Variants in BBS1 observed in about 807,000 individuals in gnomAD.
The protein encoded by BBS1 is BBSome complex member BBS1.
BBS1 carries 60 observed loss-of-function variants against 73.9 expected under a neutral mutation model. The observed-to-expected ratio is 0.81, with a 90% CI of 0.66 to 1.01. The LOEUF (loss-of-function observed/expected upper bound fraction) is 1.01. Ranked by LOEUF, BBS1 falls within the 50% of genes least tolerant of loss-of-function variation. The probability of loss-of-function intolerance (pLI) is 0.00; values close to 1 mark genes in which losing one functional copy is unlikely to be tolerated. For missense variants in BBS1, 718 were observed against 770.3 expected (o/e 0.93, Z 0.80); for synonymous variants, 283 against 317.4 (o/e 0.89, Z 1.15).
At chr11:66,521,689 TGA>T in intron 9 of BBS1, 1 of 366,480 alleles carries the variant, frequency 2.7e-6, no homozygotes. Context: ...GCGGATCACC[TGA>T]GGTCAGGAGT....
At chr11:66,520,256 A>T (rs1856161696) in intron 8 of BBS1, 1 of 160,254 alleles carries the variant, frequency 6.2e-6, no homozygotes, top group South Asian at 1.7e-4. Context: ...CTATATCTAT[A>T]AAACCACATC....
rs1555049194 is a variant in BBS1, at chr11:66,526,695, AGAGG to A, written c.1232_1235del (p.Gly411GlufsTer12). The A allele has an allele frequency of 6.2e-7, 1 of 1,614,194 alleles. No homozygotes were observed. The highest frequency in any genetic ancestry group is 8.5e-7 in the Non-Finnish European group (1 of 1,180,022). ...TCCTGAAGCGTACAGCAGTGTTTGT[AGAGG>A]GAGGAAGTGAGGTGGGTCCCCCACC... is the stretch of plus-strand genomic sequence containing the variant. On this transcript the variant is annotated frameshift_variant, in exon 13 of 17. Coordinates refer to ENST00000318312, the MANE Select transcript of BBS1 (RefSeq NM_024649.5). LOFTEE classifies it high-confidence loss of function.
chr11:66,526,662 C>A lies in BBS1; in HGVS notation c.1194C>A (p.Ile398=), dbSNP rs200577824. ...CCACTTCCCTAGGTGGTGGCCTGAT[C>A]ATCAAGATCCTGAAGCGTACAGCAG... ...LIMTTRGGGL[I]IKILKRTAVF... Residue 398 remains isoleucine, a synonymous_variant, in exon 13 of 17, where the codon ATC becomes ATA. Coordinates refer to ENST00000318312, the MANE Select transcript of BBS1 (RefSeq NM_024649.5). 7.2e-5 allele frequency: 117 copies of A among 1,614,202 alleles called. No individual in the cohort carries two copies. The East Asian group carries it at 1.8e-3, about 26-fold the overall frequency.
intron 3 of BBS1, among the ~76,000 whole-genome samples, chr11:66,512,003 AAT>A (rs1168533544): frequency 5.7e-5 from 8 of 140,268 alleles, no homozygotes; most frequent in South Asian, 4.3e-4. Flanking sequence ...TTCAAAAAAA[AAT>A]ATATATATAT....
intron 3 of BBS1, 53 bp downstream of exon 3, chr11:66,511,292 A>T: frequency 6.3e-7 from 1 of 1,597,806 alleles, no homozygotes; most frequent in Admixed American, 1.7e-5. Context: ...TGTACCCAGA[A>T]ATGAGATTTC....
chr11:66,532,177 C>G lies in BBS1; in HGVS notation c.*140C>G. 1.1e-6 allele frequency: 1 copy of G among 889,634 alleles called. No homozygotes were observed. The highest frequency in any genetic ancestry group is 1.7e-6 in the Non-Finnish European group (1 of 585,634). 55.1% of individuals were successfully genotyped at this position (889,634 alleles called of 1,614,324 possible). ...CTCTCTTAAGCACCCGCTTCCTCACCACCCCCACTGTTGGGCCTATAGTAG... is the reference window on the plus strand; with the variant it reads ...CTCTCTTAAGCACCCGCTTCCTCACGACCCCCACTGTTGGGCCTATAGTAG... On this transcript the variant is annotated 3_prime_UTR_variant, in exon 17 of 17. Transcript: ENST00000318312.
chr11:66,521,384 C>T lies in BBS1; in HGVS notation c.830+8C>T. The T allele has an allele frequency of 1.2e-6, 2 of 1,611,330 alleles. No homozygotes were observed. Among genetic ancestry groups the T allele is most frequent in the Non-Finnish European group, 1.7e-6 (2 of 1,177,488 alleles). Reference sequence around the variant, plus strand: ...CATCTATATTCTGAGAAGGTAGCCACATCCGTGGTCTCCGGGGCCGGGAGG... The same window carrying T: ...CATCTATATTCTGAGAAGGTAGCCATATCCGTGGTCTCCGGGGCCGGGAGG... On this transcript the variant is annotated splice_region_variant and intron_variant, in intron 9 of 16. Coordinates refer to ENST00000318312, the MANE Select transcript of BBS1 (RefSeq NM_024649.5).
chr11:66,520,153 C>G (rs1318242783), intron 8 of BBS1, among the ~76,000 whole-genome samples: 1 of 152,156 alleles, frequency 6.6e-6, no homozygotes, highest in East Asian at 1.9e-4. Flanking sequence ...GAGTGAGACC[C>G]TGTCTCTAAA....
chr11:66,515,841 C>T lies in BBS1; in HGVS notation c.519-20C>T. The T allele has an allele frequency of 6.2e-7, 1 of 1,614,182 alleles. No homozygotes were observed. Among genetic ancestry groups the T allele is most frequent in the Non-Finnish European group, 8.5e-7 (1 of 1,180,014 alleles). ...GCAGCGAGGCCGGGGCCTGCAGATG[C>T]CAGTTCTCTGTGTGTCTAGGTTTCT... On this transcript the variant is annotated intron_variant, in intron 6 of 16. Coordinates refer to ENST00000318312, the MANE Select transcript of BBS1 (RefSeq NM_024649.5).
intron 11 of BBS1, chr11:66,524,275 ATCTT>A: frequency 6.3e-6 from 2 of 317,916 alleles, no homozygotes; most frequent in African/African-American, 2.2e-5. Context: ...GCGAGACTCC[ATCTT>A]AAAAAAAAAA....
chr11:66,521,597 A>G (rs1856219572), intron 9 of BBS1: 1 of 562,196 alleles, frequency 1.8e-6, no homozygotes, highest in Admixed American at 2.9e-5. Context: ...TGGCTATAGT[A>G]CAGGAGTGAT....
chr11:66,517,012 A>C (rs1856063603), intron 7 of BBS1, among the ~76,000 whole-genome samples: 1 of 152,108 alleles, frequency 6.6e-6, no homozygotes, highest in African/African-American at 2.4e-5. Context: ...ATCCTGGCTA[A>C]CATGGTGAAA....
At chr11:66,515,435 C>A in intron 4 of BBS1, 105 bp from the exon 5 acceptor site, 1 of 1,259,108 alleles carries the variant, frequency 7.9e-7, no homozygotes. Flanking sequence ...GGCAGGGAGG[C>A]AGAGACCAAG....
intron 4 of BBS1, 133 bp from the exon 5 acceptor site, chr11:66,515,407 T>C: frequency 1.1e-6 from 1 of 924,770 alleles, no homozygotes; most frequent in Non-Finnish European, 1.8e-6. Context: ...AGCTTGGTGC[T>C]CAGTGCAGAG....
chr11:66,516,926 G>A lies in BBS1; in HGVS notation c.591+993G>A, dbSNP rs927065138. 7.2e-5 allele frequency among the ~76,000 whole-genome samples: 11 copies of A among 152,196 alleles called. No individual in the cohort carries two copies. The South Asian group carries it at 1.0e-3, about 14-fold the overall frequency. On this transcript the variant is annotated intron_variant, in intron 7 of 16. Transcript: ENST00000318312. ...CTAAAGAAAAACATCTTGGCCGGGC[G>A]CGGTGGCTCACGCCTGTAATCCCAG...
rs376386231 is a variant in BBS1, at chr11:66,521,255, G to A, written c.724-15G>A. 1.2e-5 allele frequency: 19 copies of A among 1,604,810 alleles called. No homozygotes were observed. The highest frequency in any genetic ancestry group is 5.4e-5 in the African/African-American group (4 of 74,752). ...GCTCCAGAGAAATTGGAGTGTTTGC[G>A]CTTCTTGTTTGCAGATGAGCCTTCC... On this transcript the variant is annotated splice_polypyrimidine_tract_variant and intron_variant, in intron 8 of 16. Coordinates refer to ENST00000318312, the MANE Select transcript of BBS1 (RefSeq NM_024649.5).
intron 14 of BBS1, among the ~76,000 whole-genome samples, chr11:66,530,187 C>T (rs1168021570): frequency 2.0e-5 from 3 of 152,138 alleles, no homozygotes; most frequent in African/African-American, 4.8e-5. Flanking sequence ...TGCCGTGGGA[C>T]ACTCTCCAGC....
Position 66,510,657 on chromosome 11 carries a change from A to C in BBS1, c.-3A>C. ...GCCGGTTGCCAGGACGACGCCTGCG[A>C]AGATGGCCGCTGCGTCCTCATCGGA... On this transcript the variant is annotated 5_prime_UTR_variant, in exon 1 of 17. Coordinates refer to ENST00000318312, the MANE Select transcript of BBS1 (RefSeq NM_024649.5). 1 of 1,614,116 alleles carries C rather than the reference A, an allele frequency of 6.2e-7. No individual in the cohort carries two copies. Among genetic ancestry groups the C allele is most frequent in the Non-Finnish European group, 8.5e-7 (1 of 1,180,008 alleles).
rs1490377630 is a variant in BBS1, at chr11:66,515,668, G to C, written c.480-25G>C. The C allele has an allele frequency of 2.5e-6, 4 of 1,614,200 alleles. No individual in the cohort carries two copies. The East Asian group carries it at 6.7e-5, about 27-fold the overall frequency. The stretch of plus-strand genomic sequence containing the variant: ...CAGGGCCCCATTCTTCCATTCGGCT[G>C]CCATGCTGGCCCCTTTCCTTGCAGG... On this transcript the variant is annotated intron_variant, in intron 5 of 16. Coordinates refer to ENST00000318312, the MANE Select transcript of BBS1 (RefSeq NM_024649.5).
Sources: gnomAD v4.1 joint callset for allele counts (sites outside exome capture counted in the v4.1 genomes callset) on GRCh38, gnomAD v4.1.1 for gene constraint, MANE v1.5 for transcripts, NCBI Gene and HGNC (gene_info 2026-07-23, HGNC 2026-07-21) for gene names.